DPP6: variants seen among roughly 807,000 people sequenced by gnomAD.
DPP6 encodes A-type potassium channel modulatory protein DPP6.
A neutral mutation model predicts 122.6 loss-of-function variants in DPP6; 69 were observed. That is an observed-to-expected ratio of 0.56 (90% CI 0.46 to 0.69). The LOEUF (loss-of-function observed/expected upper bound fraction) is 0.69. DPP6 is among the 30% of genes least tolerant of loss of function. DPP6 has a pLI of 0.00. For synonymous variants in DPP6, 418 were observed against 433.1 expected (o/e 0.97, Z 0.43); for missense variants, 928 against 1,116.9 (o/e 0.83, Z 2.41).
intron 1 of DPP6, among the ~76,000 whole-genome samples, chr7:154,016,067 C>G (rs568858115): frequency 8.3e-4 from 127 of 152,294 alleles, no homozygotes; most frequent in African/African-American, 3.0e-3. Flanking sequence ...GCATCAGTGC[C>G]TTTGCTCCTC....
intron 4 of DPP6, 83 bp from the exon 5 acceptor site, chr7:154,566,759 G>T: frequency 1.4e-6 from 1 of 738,484 alleles, no homozygotes; most frequent in Non-Finnish European, 2.2e-6. Flanking sequence ...TTTGAAAATG[G>T]CACCAGCAGA....
chr7:154,120,663 A>T (rs998000973), intron 1 of DPP6, among the ~76,000 whole-genome samples: 5 of 152,238 alleles, frequency 3.3e-5, no homozygotes, highest in African/African-American at 7.2e-5. Flanking sequence ...TATAAGAACT[A>T]TGGAAATTGC....
intron 3 of DPP6, among the ~76,000 whole-genome samples, chr7:154,532,801 T>C (rs182014896): frequency 2.0e-5 from 3 of 152,168 alleles, no homozygotes; most frequent in Admixed American, 6.5e-5. Context: ...ACTGATGGGG[T>C]TCAGGATATA....
At chr7:153,940,103 C>T (rs1043201810) in intron 1 of DPP6, among the ~76,000 whole-genome samples, 3 of 152,212 alleles carry the variant, frequency 2.0e-5, no homozygotes, top group Admixed American at 6.5e-5. Context: ...CCTCCTCCCT[C>T]TTTTGAGTCT....
chr7:154,476,220 C>G (rs1406569462), intron 3 of DPP6, among the ~76,000 whole-genome samples: 1 of 152,158 alleles, frequency 6.6e-6, no homozygotes, highest in Non-Finnish European at 1.5e-5. Context: ...GTAGGTGGAT[C>G]TCAGAGGGAA....
the DPP6 span, among the ~76,000 whole-genome samples, chr7:153,867,137 T>A: frequency 6.6e-6 from 1 of 152,194 alleles, no homozygotes; most frequent in African/African-American, 2.4e-5. Context: ...ATGCGGGCTC[T>A]TTTTTGGTTC....
the DPP6 span, among the ~76,000 whole-genome samples, chr7:153,811,872 A>G: frequency 6.6e-6 from 1 of 152,108 alleles, no homozygotes; most frequent in Non-Finnish European, 1.5e-5. Flanking sequence ...ATTTTATAGC[A>G]TCTTCCAGTG....
intron 1 of DPP6, among the ~76,000 whole-genome samples, chr7:154,335,542 A>G (rs1809337977): frequency 6.6e-6 from 1 of 152,176 alleles, no homozygotes; most frequent in African/African-American, 2.4e-5. Flanking sequence ...CTGGTGGGAG[A>G]TGTTTCACAT....
rs943161921 is a variant in DPP6, at chr7:154,489,365, G to A, written c.457+14328G>A. Among the ~76,000 whole-genome samples the A allele has an allele frequency of 3.9e-5, 6 of 152,140 alleles. No homozygotes were observed. The South Asian group carries it at 6.2e-4, about 16-fold the overall frequency. On this transcript the variant is annotated intron_variant, in intron 3 of 25. Coordinates refer to ENST00000377770, the MANE Select transcript of DPP6 (RefSeq NM_130797.4). The stretch of plus-strand genomic sequence containing the variant: ...GACACCCATATCCTATGCTCCCTTC[G>A]CAAGCTGAGTATTTGCAGGACGCTG...
intron 1 of DPP6, among the ~76,000 whole-genome samples, chr7:154,162,703 A>C (rs1423049347): frequency 6.6e-6 from 1 of 151,116 alleles, no homozygotes; most frequent in Non-Finnish European, 1.5e-5. Flanking sequence ...AGTGGAACTC[A>C]ACACCTGGGA....
intron 7 of DPP6, among the ~76,000 whole-genome samples, chr7:154,688,935 A>G (rs1375566507): frequency 1.3e-5 from 2 of 152,186 alleles, no homozygotes; most frequent in African/African-American, 2.4e-5. Flanking sequence ...GACATTTTCT[A>G]TTGATTTTGC....
rs565900559 is a variant in DPP6 at position 153,938,014 on chromosome 7, A to G, written c.51+50280A>G. On this transcript the variant is annotated intron_variant, in intron 1 of 25. Transcript: ENST00000404039. ...ACGAGGGCTGTCCTAGTTCTCTCTT[A>G]GTAAGGAGAACCTCTGAGACAGGGG... 2.0e-5 allele frequency among the ~76,000 whole-genome samples: 3 copies of G among 152,312 alleles called. No homozygotes were observed. The South Asian group carries it at 6.2e-4, about 32-fold the overall frequency.
intron 1 of DPP6, among the ~76,000 whole-genome samples, chr7:154,060,156 A>C (rs1801501747): frequency 7.0e-6 from 1 of 143,098 alleles, no homozygotes; most frequent in African/African-American, 2.7e-5. Flanking sequence ...GGCTCTTTGC[A>C]CCCCCATCGC....
chr7:154,125,562 C>G (rs1295291103), intron 1 of DPP6, among the ~76,000 whole-genome samples: 1 of 152,156 alleles, frequency 6.6e-6, no homozygotes, highest in Non-Finnish European at 1.5e-5. Context: ...TGGCCTCTTA[C>G]AAGGAAGTCA....
intron 16 of DPP6, among the ~76,000 whole-genome samples, 173 bp downstream of exon 16, chr7:154,807,285 A>AC (rs1332621158): frequency 6.6e-6 from 1 of 151,814 alleles, no homozygotes; most frequent in Non-Finnish European, 1.5e-5. Flanking sequence ...AGATGACTGG[A>AC]CCCCCACAGA....
chr7:154,374,918 A>G (rs1812999936), intron 1 of DPP6, among the ~76,000 whole-genome samples: 1 of 152,146 alleles, frequency 6.6e-6, no homozygotes, highest in Non-Finnish European at 1.5e-5. Flanking sequence ...GGCCGACATT[A>G]TAGTTTTAAT....
chr7:154,589,347 G>A (rs749368539), intron 5 of DPP6, among the ~76,000 whole-genome samples: 6 of 152,274 alleles, frequency 3.9e-5, no homozygotes, highest in Middle Eastern at 3.4e-3. Flanking sequence ...CCTTGCTCTC[G>A]TGACTTTGTC....
At chr7:153,784,108 G>A in the DPP6 span, among the ~76,000 whole-genome samples, 2 of 152,090 alleles carry the variant, frequency 1.3e-5, no homozygotes, top group African/African-American at 2.4e-5. Context: ...TTAGTGCTCA[G>A]TAAGTAAATT....
At chr7:153,756,135 C>T in the DPP6 span, among the ~76,000 whole-genome samples, 1 of 151,780 alleles carries the variant, frequency 6.6e-6, no homozygotes, top group African/African-American at 2.4e-5. Context: ...TTGAATCAGA[C>T]CCTCCCACCT....
Sources: gnomAD v4.1 joint callset for allele counts (sites outside exome capture counted in the v4.1 genomes callset) on GRCh38, gnomAD v4.1.1 for gene constraint, MANE v1.5 for transcripts, NCBI Gene and HGNC (gene_info 2026-07-23, HGNC 2026-07-21) for gene names.